The following PRDM5 variants were observed in gnomAD, a reference collection of about 807,000 sequenced individuals.
The protein encoded by PRDM5 is PR/SET domain 5, also known as PR domain zinc finger protein 5.
Under a neutral mutation model 81.2 loss-of-function variants are expected in PRDM5, and 56 were observed. The ratio of observed to expected loss-of-function variants is 0.69; its 90% CI spans 0.56 to 0.86. PRDM5 has a LOEUF of 0.86. Among genes scored for constraint, PRDM5 ranks in the 40% least tolerant of loss-of-function variants. The pLI is 0.00. For synonymous variants in PRDM5, 267 were observed against 256.4 expected (o/e 1.04, Z -0.39); for missense variants, 697 against 770.1 (o/e 0.91, Z 1.12).
rs78327907 is a variant in PRDM5 at position 120,798,588 on chromosome 4, A to C, written c.1031-164T>G. Among the ~76,000 whole-genome samples, 172 of 152,274 alleles carry C rather than the reference A, an allele frequency of 1.1e-3. 2 individuals carry two copies. In the East Asian group the frequency reaches 0.031, roughly 28 times the overall value. On this transcript the variant is annotated intron_variant, in intron 9 of 15. Transcript: ENST00000264808. ...ACATAATAGACACATAAATGTGTCT[A>C]CTCCTAAATGAAATATGAGCTTGTT...
intron 13 of PRDM5, among the ~76,000 whole-genome samples, chr4:120,766,694 C>T (rs1202674140): frequency 6.6e-6 from 1 of 152,154 alleles, no homozygotes; most frequent in Admixed American, 6.5e-5. Context: ...GTTTAAGCCT[C>T]GGTTTAGTTC....
intron 1 of PRDM5, among the ~76,000 whole-genome samples, chr4:120,912,899 C>A (rs1156403048): frequency 2.6e-5 from 4 of 152,194 alleles, no homozygotes; most frequent in Non-Finnish European, 5.9e-5. Context: ...CCACTTAGAA[C>A]ATAATTATGT....
intron 2 of PRDM5, among the ~76,000 whole-genome samples, chr4:120,863,191 T>TATATATAC (rs1553997193): frequency 5.7e-5 from 4 of 70,322 alleles, no homozygotes; most frequent in African/African-American, 1.5e-4. Flanking sequence ...TATATATATA[T>TATATATAC]ACACACACAC....
intron 15 of PRDM5, among the ~76,000 whole-genome samples, chr4:120,699,219 T>C (rs1735006662): frequency 7.4e-6 from 1 of 134,342 alleles, no homozygotes; most frequent in Non-Finnish European, 1.6e-5. Flanking sequence ...AGATGTCTCC[T>C]TAATAATTTC....
chr4:120,709,365 C>T (rs956075888), intron 15 of PRDM5, among the ~76,000 whole-genome samples: 7 of 152,178 alleles, frequency 4.6e-5, no homozygotes, highest in South Asian at 2.1e-4. Context: ...TCCTCTACAA[C>T]TGTTTCTTTC....
intron 13 of PRDM5, among the ~76,000 whole-genome samples, chr4:120,769,407 C>T (rs1345457497): frequency 6.6e-6 from 1 of 151,946 alleles, no homozygotes; most frequent in Non-Finnish European, 1.5e-5. Flanking sequence ...TCAGGGAACA[C>T]GTCAAGGAGA....
chr4:120,913,358 C>G (rs2148701396), intron 1 of PRDM5, among the ~76,000 whole-genome samples: 1 of 152,326 alleles, frequency 6.6e-6, no homozygotes, highest in Middle Eastern at 3.4e-3. Context: ...CTAATGGCCA[C>G]AAACATCTTG....
At chr4:120,737,065 T>C (rs1268277239) in intron 14 of PRDM5, among the ~76,000 whole-genome samples, 1 of 152,156 alleles carries the variant, frequency 6.6e-6, no homozygotes, top group African/African-American at 2.4e-5. Context: ...TGCTGTGGCC[T>C]GAGGTGTCTG....
chr4:120,836,052 C>T (rs897399765), intron 3 of PRDM5, among the ~76,000 whole-genome samples: 4 of 151,704 alleles, frequency 2.6e-5, no homozygotes, highest in Admixed American at 6.6e-5. Flanking sequence ...TGGCAGAGAA[C>T]GTTGGAGGTA....
chr4:120,786,971 T>C lies in PRDM5; in HGVS notation c.1189-1880A>G, dbSNP rs553530459. 1.2e-4 allele frequency among the ~76,000 whole-genome samples: 19 copies of C among 152,320 alleles called. No individual in the cohort carries two copies. The South Asian group carries it at 1.7e-3, about 13-fold the overall frequency. ...AGTCCTATTTTAGATGCTGAGCCTA[T>C]AGCCATGAACCAAAAGACAATGTCC... is the stretch of plus-strand genomic sequence containing the variant. On this transcript the variant is annotated intron_variant, in intron 10 of 15. Transcript: ENST00000264808.
At chr4:120,763,013 A>ACTTC (rs1330601069) in intron 13 of PRDM5, among the ~76,000 whole-genome samples, 2 of 152,178 alleles carry the variant, frequency 1.3e-5, no homozygotes, top group Non-Finnish European at 2.9e-5. Flanking sequence ...ACCCTTACTT[A>ACTTC]TCAAAACAAT....
intron 3 of PRDM5, among the ~76,000 whole-genome samples, chr4:120,825,474 C>G (rs1420104302): frequency 1.3e-5 from 2 of 152,218 alleles, no homozygotes; most frequent in Admixed American, 6.5e-5. Flanking sequence ...TTGGACTCAT[C>G]CTTGACCCTT....
chr4:120,915,678 T>C (rs1724066901), intron 1 of PRDM5, among the ~76,000 whole-genome samples: 1 of 151,966 alleles, frequency 6.6e-6, no homozygotes. Flanking sequence ...AAAGAAACAG[T>C]ACAGGCTCAA....
At chr4:120,714,918 G>A (rs1384431237) in intron 14 of PRDM5, among the ~76,000 whole-genome samples, 2 of 152,024 alleles carry the variant, frequency 1.3e-5, no homozygotes, top group Non-Finnish European at 2.9e-5. Flanking sequence ...GAAGGATTGC[G>A]GTTATAAACT....
At position 120,734,065 on chromosome 4, in the gene PRDM5, T is replaced by C. The variant is rs574591605; in HGVS notation, c.1623+20488A>G. On this transcript the variant is annotated intron_variant, in intron 14 of 15. Coordinates refer to ENST00000264808, the MANE Select transcript of PRDM5 (RefSeq NM_018699.4). ...AAGTGGACCTAGGCAAGCATGGTCATCCTTAGGAGAAGGACACATGGTCCA... is the reference window on the plus strand; with the variant it reads ...AAGTGGACCTAGGCAAGCATGGTCACCCTTAGGAGAAGGACACATGGTCCA... 4.6e-5 allele frequency among the ~76,000 whole-genome samples: 7 copies of C among 152,152 alleles called. No individual in the cohort carries two copies. In the East Asian group the frequency reaches 1.4e-3, roughly 29 times the overall value.
chr4:120,705,765 C>A (rs1227118222), intron 15 of PRDM5, among the ~76,000 whole-genome samples: 1 of 152,148 alleles, frequency 6.6e-6, no homozygotes, highest in Non-Finnish European at 1.5e-5. Context: ...ACAAAGATTA[C>A]TCTGCATGAG....
intron 9 of PRDM5, 64 bp downstream of exon 9, chr4:120,799,596 TA>T: frequency 6.3e-7 from 1 of 1,576,764 alleles, no homozygotes; most frequent in Non-Finnish European, 8.6e-7. Context: ...TTAGAGTTTA[TA>T]AAAAGTGACA....
chr4:120,842,781 T>G (rs1328865111), intron 3 of PRDM5, among the ~76,000 whole-genome samples: 2 of 152,200 alleles, frequency 1.3e-5, no homozygotes, highest in Non-Finnish European at 2.9e-5. Context: ...TATTTTCAAT[T>G]CTACTTCACA....
chr4:120,695,677 T>C (rs978509065), intron 15 of PRDM5, among the ~76,000 whole-genome samples: 23 of 152,156 alleles, frequency 1.5e-4, no homozygotes, highest in African/African-American at 5.5e-4. Context: ...TTACACACTA[T>C]TTCTTTTTTC....
Sources: allele counts gnomAD v4.1 joint callset (sites outside exome capture counted in the v4.1 genomes callset), GRCh38; gene constraint gnomAD v4.1.1; transcripts MANE v1.5; gene names NCBI Gene and HGNC (gene_info 2026-07-23, HGNC 2026-07-21).